Variants in SLC44A5 observed in about 807,000 individuals in gnomAD.
SLC44A5 encodes the protein choline transporter-like protein 5.
A neutral mutation model predicts 101.8 loss-of-function variants in SLC44A5; 57 were observed. The ratio of observed to expected loss-of-function variants is 0.56; its 90% CI spans 0.45 to 0.70. The LOEUF is 0.70. SLC44A5 is among the 30% of genes least tolerant of loss of function. SLC44A5 has a pLI of 0.00. For missense variants in SLC44A5, 737 were observed against 853.1 expected (o/e 0.86, Z 1.70); for synonymous variants, 281 against 290.9 (o/e 0.97, Z 0.35).
At chr1:75,550,366 A>G (rs764019692) in intron 1 of SLC44A5, among the ~76,000 whole-genome samples, 1 of 152,016 alleles carries the variant, frequency 6.6e-6, no homozygotes, top group Non-Finnish European at 1.5e-5. Context: ...ACAGAAATAG[A>G]TTAGTGGCTT....
chr1:75,542,216 G>A (rs1300435844), intron 1 of SLC44A5, among the ~76,000 whole-genome samples: 1 of 151,986 alleles, frequency 6.6e-6, no homozygotes, highest in African/African-American at 2.4e-5. Flanking sequence ...GAAATATACA[G>A]AGAGTTACCA....
chr1:75,439,290 A>G (rs1665059894), intron 2 of SLC44A5, among the ~76,000 whole-genome samples: 1 of 152,146 alleles, frequency 6.6e-6, no homozygotes, highest in Non-Finnish European at 1.5e-5. Flanking sequence ...CCACCTTTGG[A>G]GCCATGAGCC....
intron 2 of SLC44A5, among the ~76,000 whole-genome samples, chr1:75,410,308 G>T (rs1174582260): frequency 1.3e-5 from 2 of 151,962 alleles, no homozygotes; most frequent in Non-Finnish European, 1.5e-5. Flanking sequence ...TGCCATTTCT[G>T]AATTATTCAT....
chr1:75,457,856 C>CAA (rs60026692), intron 2 of SLC44A5, among the ~76,000 whole-genome samples: 8 of 124,298 alleles, frequency 6.4e-5, no homozygotes, highest in African/African-American at 1.2e-4. Context: ...GACTCCATCT[C>CAA]AAAAAAAAAA....
At chr1:75,573,521 G>T (rs1312811632) in intron 1 of SLC44A5, among the ~76,000 whole-genome samples, 1 of 152,058 alleles carries the variant, frequency 6.6e-6, no homozygotes, top group African/African-American at 2.4e-5. Flanking sequence ...AAATAAAATT[G>T]CATGTTTATC....
Position 75,282,446 on chromosome 1 carries a change from T to A in SLC44A5, c.176-7404A>T, listed in dbSNP as rs527290168. Among the ~76,000 whole-genome samples the A allele has an allele frequency of 2.0e-5, 3 of 152,296 alleles. No individual in the cohort carries two copies. The East Asian group carries it at 5.8e-4, about 29-fold the overall frequency. ...TTGGACTTTTGGGTTAATGATGAAA[T>A]GAGTTAAGACTTTAAGGAACTGTTG... On this transcript the variant is annotated intron_variant, in intron 5 of 23. Coordinates refer to ENST00000370859, the MANE Select transcript of SLC44A5 (RefSeq NM_001130058.2).
At chr1:75,635,669 G>T in the SLC44A5 span, among the ~76,000 whole-genome samples, 2 of 125,678 alleles carry the variant, frequency 1.6e-5, no homozygotes, top group Non-Finnish European at 3.3e-5. Flanking sequence ...GGTGGGGGGA[G>T]GGGGGGAGGA....
intron 2 of SLC44A5, among the ~76,000 whole-genome samples, chr1:75,405,104 C>A (rs190832012): frequency 6.6e-4 from 101 of 152,280 alleles, no homozygotes; most frequent in African/African-American, 2.4e-3. Flanking sequence ...CAAAGAAGGG[C>A]ATTACATACT....
At chr1:75,301,403 A>T (rs182987323) in intron 4 of SLC44A5, among the ~76,000 whole-genome samples, 1 of 152,180 alleles carries the variant, frequency 6.6e-6, no homozygotes, top group Non-Finnish European at 1.5e-5. Flanking sequence ...TGTTCAGCTT[A>T]TAAGTGGTTT....
intron 2 of SLC44A5, among the ~76,000 whole-genome samples, chr1:75,465,845 C>T (rs1189377075): frequency 6.6e-6 from 1 of 152,080 alleles, no homozygotes; most frequent in Non-Finnish European, 1.5e-5. Context: ...AATCCAAAAC[C>T]TGAATAGACC....
intron 6 of SLC44A5, among the ~76,000 whole-genome samples, chr1:75,264,413 T>G (rs1650818047): frequency 6.6e-6 from 1 of 152,242 alleles, no homozygotes; most frequent in Non-Finnish European, 1.5e-5. Context: ...GGACAACTTG[T>G]GTGATTATAA....
chr1:75,258,700 G>A (rs1465212606), intron 6 of SLC44A5, among the ~76,000 whole-genome samples: 4 of 152,278 alleles, frequency 2.6e-5, no homozygotes, highest in East Asian at 1.9e-4. Context: ...GCCTTCTCAA[G>A]TGGGTCCCTG....
intron 2 of SLC44A5, among the ~76,000 whole-genome samples, chr1:75,510,309 A>G (rs1289885909): frequency 1.3e-5 from 2 of 152,216 alleles, no homozygotes; most frequent in Non-Finnish European, 2.9e-5. Flanking sequence ...AATGCAGCAG[A>G]AAGTCCAAGG....
intron 3 of SLC44A5, among the ~76,000 whole-genome samples, chr1:75,343,996 G>A (rs1272106853): frequency 6.6e-6 from 1 of 151,886 alleles, no homozygotes; most frequent in East Asian, 1.9e-4. Context: ...TTCTTATAAT[G>A]CCCCTCTTTT....
chr1:75,229,028 CT>C (rs887907517), intron 12 of SLC44A5, among the ~76,000 whole-genome samples: 1 of 151,430 alleles, frequency 6.6e-6, no homozygotes, highest in African/African-American at 2.4e-5. Flanking sequence ...ACTATGTTTT[CT>C]TTTTTTTATT....
rs183572018 is a variant in SLC44A5 at position 75,317,347 on chromosome 1, A to T, written c.102-16662T>A. On this transcript the variant is annotated intron_variant, in intron 4 of 23. Coordinates refer to ENST00000370859, the MANE Select transcript of SLC44A5 (RefSeq NM_001130058.2). ...TTTCCCCACACATGAGTGAGAAGGGAATAGGAATTTTTAATGCCAGAGACA... is the reference window on the plus strand; with the variant it reads ...TTTCCCCACACATGAGTGAGAAGGGTATAGGAATTTTTAATGCCAGAGACA... Among the ~76,000 whole-genome samples, 33 of 152,310 alleles carry T rather than the reference A, an allele frequency of 2.2e-4. No homozygotes were observed. The East Asian group carries it at 6.4e-3, about 29-fold the overall frequency.
chr1:75,547,133 GA>G (rs1671692132), intron 1 of SLC44A5, among the ~76,000 whole-genome samples: 1 of 152,084 alleles, frequency 6.6e-6, no homozygotes, highest in African/African-American at 2.4e-5. Flanking sequence ...TTTAAAAAGG[GA>G]TAAGACCACA....
At chr1:75,263,456 T>C (rs1443047545) in intron 6 of SLC44A5, among the ~76,000 whole-genome samples, 1 of 152,080 alleles carries the variant, frequency 6.6e-6, no homozygotes, top group Non-Finnish European at 1.5e-5. Flanking sequence ...GTTAGAATGA[T>C]GGTCATTAAA....
chr1:75,467,835 A>G (rs961456906), intron 2 of SLC44A5, among the ~76,000 whole-genome samples: 6 of 152,180 alleles, frequency 3.9e-5, no homozygotes, highest in Non-Finnish European at 7.4e-5. Context: ...GACAAATGAG[A>G]TAACATTAAG....
Sources: allele counts gnomAD v4.1 joint callset (sites outside exome capture counted in the v4.1 genomes callset), GRCh38; gene constraint gnomAD v4.1.1; transcripts MANE v1.5; gene names NCBI Gene and HGNC (gene_info 2026-07-23, HGNC 2026-07-21).